C1orf105: variants seen among roughly 807,000 people sequenced by gnomAD.
C1orf105 encodes the protein uncharacterized protein C1orf105.
A neutral mutation model predicts 20.8 loss-of-function variants in C1orf105; 17 were observed. The ratio of observed to expected loss-of-function variants is 0.82; its 90% CI spans 0.56 to 1.23. The LOEUF (loss-of-function observed/expected upper bound fraction) is 1.23, where lower values mean the gene tolerates loss of function less well. Ranked by LOEUF, C1orf105 falls within the 50% of genes most tolerant of loss-of-function variation. The pLI, the probability that C1orf105 is intolerant of heterozygous loss-of-function variation, is 0.00. For missense variants in C1orf105, 219 were observed against 213.5 expected (o/e 1.03, Z -0.16); for synonymous variants, 72 against 72.1 (o/e 1.00, Z 0.01).
intron 3 of C1orf105, among the ~76,000 whole-genome samples, chr1:172,452,018 G>A (rs542687104): frequency 6.6e-5 from 10 of 151,728 alleles, no homozygotes; most frequent in South Asian, 4.2e-4. Flanking sequence ...GATTACAGGC[G>A]CATGCCACCA....
At chr1:172,425,782 A>G (rs2071707507) in intron 1 of C1orf105, among the ~76,000 whole-genome samples, 1 of 152,238 alleles carries the variant, frequency 6.6e-6, no homozygotes, top group African/African-American at 2.4e-5. Flanking sequence ...TAATCCCATT[A>G]GTGAGCAATA....
rs140267164 is a variant in C1orf105, at chr1:172,450,472, A to C, written c.198+1941A>C. Among the ~76,000 whole-genome samples, 1,101 of 152,366 alleles carry C rather than the reference A, an allele frequency of 7.2e-3. 11 individuals carry two copies. The highest frequency in any genetic ancestry group is 0.025 in the African/African-American group (1,043 of 41,582). On this transcript the variant is annotated intron_variant, in intron 3 of 6. Transcript: ENST00000367727. Reference sequence around the variant, plus strand: ...TGTGCCATGAGGTAAACGTGGATTCAGCTGGCAGCTGCTCCCTTCTGGAAA... The same window carrying C: ...TGTGCCATGAGGTAAACGTGGATTCCGCTGGCAGCTGCTCCCTTCTGGAAA...
intron 1 of C1orf105, among the ~76,000 whole-genome samples, chr1:172,432,336 G>A (rs2071898301): frequency 1.3e-5 from 2 of 152,218 alleles, no homozygotes; most frequent in Non-Finnish European, 2.9e-5. Flanking sequence ...ACACCTCCCA[G>A]TAGGGGCCGA....
At chr1:172,429,914 G>A (rs1041845437) in intron 1 of C1orf105, among the ~76,000 whole-genome samples, 2 of 152,150 alleles carry the variant, frequency 1.3e-5, no homozygotes, top group Non-Finnish European at 2.9e-5. Context: ...TTTTGGAAGT[G>A]TGAGCAAAGC....
At chr1:172,463,212 A>C (rs1649818961) in intron 5 of C1orf105, among the ~76,000 whole-genome samples, 1 of 152,258 alleles carries the variant, frequency 6.6e-6, no homozygotes, top group Admixed American at 6.5e-5. Flanking sequence ...CTTGCATTGC[A>C]ATAGATGGTT....
intron 1 of C1orf105, chr1:172,442,921 T>C (rs1054944027): frequency 5.0e-5 from 15 of 298,632 alleles, no homozygotes; most frequent in Non-Finnish European, 9.3e-5. Flanking sequence ...TTACTAAAAG[T>C]CTGAGAAAAA....
rs113628972 is a variant in C1orf105, at chr1:172,468,767, C to T, written c.*173C>T. ...GCTCTTACCTCTATGTTCTTTCTCA[C>T]GTCTCCTAAAGACAAAATTGTTTAA... On this transcript the variant is annotated 3_prime_UTR_variant, in exon 7 of 7. Coordinates refer to ENST00000367727, the MANE Select transcript of C1orf105 (RefSeq NM_139240.4). 1,142 of 574,952 alleles carry T rather than the reference C, an allele frequency of 2.0e-3. 16 individuals carry two copies. The highest frequency in any genetic ancestry group is 0.019 in the African/African-American group (1,014 of 53,562). 35.6% of individuals were successfully genotyped at this position (574,952 alleles called of 1,614,324 possible). A position where few individuals can be genotyped will look rare whatever the true frequency, so the allele number is the denominator to read the frequency against.
intron 3 of C1orf105, among the ~76,000 whole-genome samples, chr1:172,454,742 C>T (rs529968050): frequency 8.0e-5 from 12 of 149,534 alleles, no homozygotes; most frequent in African/African-American, 2.6e-4. Context: ...CCCTCTCTGC[C>T]CCACCCCCAG....
At chr1:172,450,392 CTCAAATTTGAATCTGGCTCCCAGAG>C (rs1648490167) in intron 3 of C1orf105, among the ~76,000 whole-genome samples, 1 of 152,244 alleles carries the variant, frequency 6.6e-6, no homozygotes, top group African/African-American at 2.4e-5. Flanking sequence ...CACAGACGTC[CTCAAATTTGAATCTGGCTCCCAGAG>C]TCTACTGCGT....
chr1:172,423,461 G>A (rs2071642285), intron 1 of C1orf105, among the ~76,000 whole-genome samples: 1 of 152,160 alleles, frequency 6.6e-6, no homozygotes. Flanking sequence ...TATGGCTGCA[G>A]TGGCCAAAAA....
chr1:172,421,860 C>G (rs746147236), intron 1 of C1orf105, among the ~76,000 whole-genome samples: 2 of 151,746 alleles, frequency 1.3e-5, no homozygotes, highest in African/African-American at 2.4e-5. Context: ...GAGGGCACAG[C>G]GATTGTGGGA....
intron 1 of C1orf105, among the ~76,000 whole-genome samples, chr1:172,441,060 C>A (rs1327168499): frequency 2.0e-5 from 3 of 152,214 alleles, no homozygotes; most frequent in African/African-American, 7.2e-5. Context: ...TCCTCCAAGA[C>A]TAAGCTTAAA....
At chr1:172,467,856 A>G (rs1334300879) in intron 6 of C1orf105, among the ~76,000 whole-genome samples, 1 of 152,238 alleles carries the variant, frequency 6.6e-6, no homozygotes, top group Non-Finnish European at 1.5e-5. Flanking sequence ...AAAATTGAAT[A>G]TTAACCAACT....
intron 6 of C1orf105, chr1:172,465,668 G>C: frequency 1.9e-6 from 1 of 531,160 alleles, no homozygotes; most frequent in Non-Finnish European, 3.6e-6. Context: ...CAAAATAAAA[G>C]TTCCCCTATT....
At chr1:172,425,510 C>T (rs1043083533) in intron 1 of C1orf105, among the ~76,000 whole-genome samples, 7 of 152,110 alleles carry the variant, frequency 4.6e-5, no homozygotes, top group African/African-American at 1.7e-4. Context: ...AAGCCTTCAG[C>T]TGTTTCTAAT....
intron 5 of C1orf105, among the ~76,000 whole-genome samples, chr1:172,463,491 G>A (rs1299329937): frequency 2.0e-5 from 3 of 152,148 alleles, no homozygotes; most frequent in African/African-American, 7.2e-5. Context: ...GGAGGAAGTG[G>A]CTATTTGAGC....
At chr1:172,441,983 G>A (rs753320162) in intron 1 of C1orf105, 2 of 1,614,180 alleles carry the variant, frequency 1.2e-6, no homozygotes, top group African/African-American at 1.3e-5. Context: ...TGCAACATGG[G>A]CCACAGGGCA....
At chr1:172,434,551 C>A (rs1669497557) in intron 1 of C1orf105, among the ~76,000 whole-genome samples, 1 of 152,164 alleles carries the variant, frequency 6.6e-6, no homozygotes, top group Admixed American at 6.5e-5. Context: ...TTCTTTGAAA[C>A]CAATGAGAAC....
intron 3 of C1orf105, among the ~76,000 whole-genome samples, chr1:172,448,985 C>G (rs1648311431): frequency 6.6e-6 from 1 of 152,188 alleles, no homozygotes; most frequent in Non-Finnish European, 1.5e-5. Flanking sequence ...CACTGTGGAG[C>G]AAGCACACAG....
Sources: allele counts gnomAD v4.1 joint callset (sites outside exome capture counted in the v4.1 genomes callset), GRCh38; gene constraint gnomAD v4.1.1; transcripts MANE v1.5; gene names NCBI Gene and HGNC (gene_info 2026-07-23, HGNC 2026-07-21).